The following NAV1 variants were observed in gnomAD, a reference collection of about 807,000 sequenced individuals.
NAV1 encodes neuron navigator 1.
A neutral mutation model predicts 175.2 loss-of-function variants in NAV1; 18 were observed. The observed-to-expected ratio is 0.10, with a 90% CI of 0.07 to 0.15. The LOEUF is 0.15. Ranked by LOEUF, NAV1 falls within the 10% of genes least tolerant of loss-of-function variation. The pLI, the probability that NAV1 is intolerant of heterozygous loss-of-function variation, is 1.00. For synonymous variants in NAV1, 897 were observed against 978.7 expected (o/e 0.92, Z 1.56); for missense variants, 1,731 against 2,436.6 (o/e 0.71, Z 6.10).
chr1:201,757,277 C>T (rs142094585), intron 3 of NAV1, among the ~76,000 whole-genome samples: 119 of 151,828 alleles, frequency 7.8e-4, no homozygotes, highest in African/African-American at 2.7e-3. Flanking sequence ...TTTTTTCTTT[C>T]GACTGTCTTG....
At chr1:201,688,297 C>T (rs530287647) in intron 1 of NAV1, 7 of 152,230 alleles carry the variant, frequency 4.6e-5, no homozygotes, top group African/African-American at 1.4e-4. Context: ...CAGGTTAGTG[C>T]TTATGGACCA....
At chr1:201,608,702 C>CT (rs36009004) in intron 2 of NAV1, among the ~76,000 whole-genome samples, 1 of 152,052 alleles carries the variant, frequency 6.6e-6, no homozygotes, top group Non-Finnish European at 1.5e-5. Flanking sequence ...GCTCATGGGA[C>CT]TTTTTTTCTG....
At chr1:201,734,515 A>AGAAGAAGAAGAAGAG (rs1392613771) in intron 3 of NAV1, among the ~76,000 whole-genome samples, 7 of 151,340 alleles carry the variant, frequency 4.6e-5, no homozygotes, top group Non-Finnish European at 8.9e-5. Flanking sequence ...AAGAAGAAGA[A>AGAAGAAGAAGAAGAG]GAAGAAGAAG....
intron 1 of NAV1, among the ~76,000 whole-genome samples, chr1:201,627,347 A>G (rs1668361719): frequency 6.6e-6 from 1 of 151,616 alleles, no homozygotes; most frequent in Non-Finnish European, 1.5e-5. Context: ...ATCTCGGCTC[A>G]CTGCAACATC....
At chr1:201,733,531 A>G (rs1420658019) in intron 3 of NAV1, 1 of 152,168 alleles carries the variant, frequency 6.6e-6, no homozygotes, top group Non-Finnish European at 1.5e-5. Context: ...TTAAAAAAAG[A>G]GAGAAAAAGA....
At chr1:201,589,419 A>G (rs547331800) in intron 2 of NAV1, among the ~76,000 whole-genome samples, 18 of 151,636 alleles carry the variant, frequency 1.2e-4, no homozygotes, top group African/African-American at 4.1e-4. Context: ...GGGAAATGTT[A>G]AATTAAGTTA....
intron 1 of NAV1, among the ~76,000 whole-genome samples, chr1:201,553,241 C>G (rs1665914954): frequency 6.6e-6 from 1 of 152,256 alleles, no homozygotes; most frequent in South Asian, 2.1e-4. Context: ...GCCTGGATAC[C>G]TCTGTGGTGA....
At chr1:201,692,016 C>G (rs1670967832) in intron 1 of NAV1, among the ~76,000 whole-genome samples, 1 of 152,168 alleles carries the variant, frequency 6.6e-6, no homozygotes, top group African/African-American at 2.4e-5. Flanking sequence ...GTGTGTGGCT[C>G]CATTTTCCAG....
intron 14 of NAV1, 51 bp downstream of exon 18, chr1:201,793,926 C>G (rs1477647692): frequency 1.3e-6 from 2 of 1,483,294 alleles, no homozygotes; most frequent in South Asian, 2.4e-5. Flanking sequence ...AGGGGGTTCT[C>G]CTGGACAGAG....
intron 3 of NAV1, among the ~76,000 whole-genome samples, chr1:201,778,874 T>C (rs1002174804): frequency 6.6e-6 from 1 of 152,232 alleles, no homozygotes; most frequent in African/African-American, 2.4e-5. Flanking sequence ...GAAAAATTTT[T>C]TCAGATAGCA....
chr1:201,646,502 G>A (rs1668982536), upstream of NAV1, among the ~76,000 whole-genome samples: 1 of 152,112 alleles, frequency 6.6e-6, no homozygotes, highest in African/African-American at 2.4e-5. Context: ...TGCCAGACAG[G>A]AAATACAAGA....
chr1:201,616,203 C>G (rs763524662), intron 2 of NAV1, among the ~76,000 whole-genome samples: 7 of 152,168 alleles, frequency 4.6e-5, no homozygotes, highest in African/African-American at 9.7e-5. Flanking sequence ...TTAGGTCACA[C>G]CACCAGCAAA....
At chr1:201,648,573 C>T in exon 1 of NAV1, 1 of 1,263,812 alleles carries the variant, frequency 7.9e-7, no homozygotes, top group Non-Finnish European at 9.9e-7. Flanking sequence ...TCTCCCCCTC[C>T]TCCTCCCCCG....
Position 201,666,346 on chromosome 1 carries a change from TC to T in NAV1, c.757+16923del, listed in dbSNP as rs1023838408. ...CACCCCCAACCTTGTCTTGCCTCCCTCCTTACAAAAAAAAAAATAAATCATA... is the reference window on the plus strand; with the variant it reads ...CACCCCCAACCTTGTCTTGCCTCCCTCTTACAAAAAAAAAAATAAATCATA... On this transcript the variant is annotated intron_variant, in intron 1 of 29. Coordinates refer to ENST00000367296, the Ensembl canonical transcript of NAV1. 1.6e-4 allele frequency among the ~76,000 whole-genome samples: 23 copies of T among 145,750 alleles called. 2 individuals are homozygous for T.
intron 2 of NAV1, among the ~76,000 whole-genome samples, chr1:201,639,421 A>G (rs1668689715): frequency 6.6e-6 from 1 of 152,310 alleles, no homozygotes; most frequent in South Asian, 2.1e-4. Flanking sequence ...CCACTCCCCA[A>G]GGAGGGGAAG....
chr1:201,767,128 A>AC (rs756102315), intron 3 of NAV1, among the ~76,000 whole-genome samples: 4 of 149,480 alleles, frequency 2.7e-5, no homozygotes, highest in Non-Finnish European at 5.9e-5. Context: ...CCACATATGT[A>AC]TTTTTAAATG....
intron 1 of NAV1, among the ~76,000 whole-genome samples, chr1:201,561,134 C>G (rs996380414): frequency 1.3e-5 from 2 of 152,180 alleles, no homozygotes; most frequent in Non-Finnish European, 2.9e-5. Context: ...GTGGGTGGGA[C>G]CCCTTGCTAG....
intron 3 of NAV1, among the ~76,000 whole-genome samples, chr1:201,728,349 TG>T (rs1270511812): frequency 6.6e-6 from 1 of 151,970 alleles, no homozygotes; most frequent in East Asian, 1.9e-4. Flanking sequence ...CCCAGCACTT[TG>T]GGAGGCCGAG....
At chr1:201,685,621 G>T (rs1169342481) in intron 1 of NAV1, among the ~76,000 whole-genome samples, 1 of 152,184 alleles carries the variant, frequency 6.6e-6, no homozygotes, top group Admixed American at 6.5e-5. Context: ...AGAATCTTCG[G>T]TGACAGTCCC....
Sources: gnomAD v4.1 joint callset for allele counts (sites outside exome capture counted in the v4.1 genomes callset) on GRCh38, gnomAD v4.1.1 for gene constraint, MANE v1.5 for transcripts, NCBI Gene and HGNC (gene_info 2026-07-23, HGNC 2026-07-21) for gene names.